The following TCF4 variants were observed in gnomAD, a reference collection of about 807,000 sequenced individuals.
TCF4 encodes transcription factor 4, also known as SL3-3 enhancer factor 2.
TCF4 carries 3 observed loss-of-function variants against 82.1 expected under a neutral mutation model. The observed-to-expected ratio is 0.04, with a 90% CI of 0.02 to 0.09. The LOEUF (loss-of-function observed/expected upper bound fraction) is 0.09, where lower values mean the gene tolerates loss of function less well. TCF4 is among the 10% of genes least tolerant of loss of function. TCF4 has a pLI of 1.00. For synonymous variants in TCF4, 276 were observed against 309.6 expected, an observed-to-expected ratio of 0.89 and a Z score of 1.14; for missense variants, 518 against 852.7, an observed-to-expected ratio of 0.61 and a Z score of 4.89.
chr18:55,464,523 A>G (rs537316722), intron 3 of TCF4, among the ~76,000 whole-genome samples: 2 of 152,324 alleles, frequency 1.3e-5, no homozygotes, highest in East Asian at 3.9e-4. Context: ...TATCCACACT[A>G]ACACCTTTAG....
intron 3 of TCF4, among the ~76,000 whole-genome samples, chr18:55,562,957 G>A (rs1410814223): frequency 6.6e-6 from 1 of 151,956 alleles, no homozygotes; most frequent in Non-Finnish European, 1.5e-5. Context: ...AAAATGCTTT[G>A]GGCCAGACAC....
At chr18:55,502,128 C>T (rs1419605442) in intron 3 of TCF4, among the ~76,000 whole-genome samples, 1 of 152,136 alleles carries the variant, frequency 6.6e-6, no homozygotes, top group African/African-American at 2.4e-5. Context: ...CTCTTTTATG[C>T]CTTTCTAACC....
At chr18:55,286,830 C>T (rs1241611561) in intron 8 of TCF4, among the ~76,000 whole-genome samples, 1 of 152,186 alleles carries the variant, frequency 6.6e-6, no homozygotes, top group Non-Finnish European at 1.5e-5. Context: ...GGGCGATCTC[C>T]ATTATCACAT....
At chr18:55,252,155 C>T (rs539500214) in intron 15 of TCF4, among the ~76,000 whole-genome samples, 2 of 152,036 alleles carry the variant, frequency 1.3e-5, no homozygotes, top group African/African-American at 4.8e-5. Context: ...TCTGGGGACA[C>T]GTTGAATGGT....
chr18:55,226,202 C>T lies in TCF4; in HGVS notation c.*1833G>A, dbSNP rs1463579102. 1 of 152,404 alleles carries T rather than the reference C, an allele frequency of 6.6e-6. No individual in the cohort carries two copies. Among genetic ancestry groups the T allele is most frequent in the African/African-American group, 2.4e-5 (1 of 41,380 alleles). The allele number at this position is 152,404 out of a possible 1,614,324, so 9.4% of individuals were successfully genotyped here. On this transcript the variant is annotated 3_prime_UTR_variant, in exon 20 of 20. Coordinates refer to ENST00000354452, the MANE Select transcript of TCF4 (RefSeq NM_001083962.2). ...TGGCAAAACAGGAGAACAGATGGAACATTTAGACCATTTCAATGGATTTAT... is the reference window on the plus strand; with the variant it reads ...TGGCAAAACAGGAGAACAGATGGAATATTTAGACCATTTCAATGGATTTAT...
chr18:55,537,522 G>A (rs1188406799), intron 3 of TCF4, among the ~76,000 whole-genome samples: 1 of 152,010 alleles, frequency 6.6e-6, no homozygotes, highest in Non-Finnish European at 1.5e-5. Context: ...CCCAGGAGGG[G>A]GTCAAGGCTG....
At chr18:55,576,489 C>T (rs1271990919) in intron 3 of TCF4, among the ~76,000 whole-genome samples, 1 of 152,080 alleles carries the variant, frequency 6.6e-6, no homozygotes, top group Non-Finnish European at 1.5e-5. Flanking sequence ...GTGTCTAGAC[C>T]AGAGTTGACT....
At chr18:55,273,901 C>A (rs968437660) in intron 10 of TCF4, among the ~76,000 whole-genome samples, 8 of 152,052 alleles carry the variant, frequency 5.3e-5, no homozygotes, top group Admixed American at 3.9e-4. Flanking sequence ...AAGCTACTTC[C>A]CATGCAGTGA....
chr18:55,589,488 C>T (rs1047303464), upstream of TCF4: 5 of 1,054,190 alleles, frequency 4.7e-6, no homozygotes, highest in African/African-American at 8.3e-5. Flanking sequence ...TTGCATTTTC[C>T]ACCATAAAAC....
At chr18:55,333,745 TCAAGACTG>T in intron 8 of TCF4, among the ~76,000 whole-genome samples, 1 of 152,196 alleles carries the variant, frequency 6.6e-6, no homozygotes, top group South Asian at 2.1e-4. Flanking sequence ...TTTGTTGTTT[TCAAGACTG>T]CAAGTTCACA....
intron 8 of TCF4, among the ~76,000 whole-genome samples, chr18:55,290,083 T>C (rs1290017191): frequency 6.6e-6 from 1 of 152,210 alleles, no homozygotes; most frequent in Non-Finnish European, 1.5e-5. Flanking sequence ...AAATATATTT[T>C]AGTGCATTCC....
At chr18:55,582,323 G>A (rs1205527779) in intron 3 of TCF4, among the ~76,000 whole-genome samples, 3 of 152,062 alleles carry the variant, frequency 2.0e-5, no homozygotes, top group Non-Finnish European at 4.4e-5. Context: ...CTTTGTTTAA[G>A]TTACCATATA....
At chr18:55,608,214 G>A (rs556920047) in intron 2 of TCF4, among the ~76,000 whole-genome samples, 6 of 152,130 alleles carry the variant, frequency 3.9e-5, no homozygotes, top group Admixed American at 3.3e-4. Context: ...TTAATATACT[G>A]ATATTTTGAG....
At chr18:55,589,866 G>A (rs1256816884), upstream of TCF4, 2 of 997,336 alleles carry the variant, frequency 2.0e-6, no homozygotes, top group Non-Finnish European at 1.2e-6. Flanking sequence ...GGGGCGGGGC[G>A]GGAGCAGGCG....
chr18:55,372,916 T>A (rs2089711930), intron 6 of TCF4, among the ~76,000 whole-genome samples: 1 of 151,996 alleles, frequency 6.6e-6, no homozygotes, highest in South Asian at 2.1e-4. Flanking sequence ...TTGAAATATG[T>A]GAGTTAGAAA....
At chr18:55,394,275 C>G (rs1429081800) in intron 6 of TCF4, among the ~76,000 whole-genome samples, 1 of 152,144 alleles carries the variant, frequency 6.6e-6, no homozygotes, top group South Asian at 2.1e-4. Flanking sequence ...CAGAGACCCC[C>G]CCATGTACAG....
intron 6 of TCF4, among the ~76,000 whole-genome samples, chr18:55,386,155 G>GGTCCCCACCCAGGGA (rs1383801362): frequency 6.6e-6 from 1 of 152,070 alleles, no homozygotes; most frequent in Non-Finnish European, 1.5e-5. Context: ...AAGCATGCTG[G>GGTCCCCACCCAGGGA]GTCCCCACCC....
chr18:55,467,753 G>T (rs2082707875), intron 3 of TCF4, among the ~76,000 whole-genome samples: 1 of 152,130 alleles, frequency 6.6e-6, no homozygotes, highest in African/African-American at 2.4e-5. Context: ...ACACTGCACG[G>T]TCTTTTATAC....
intron 15 of TCF4, among the ~76,000 whole-genome samples, chr18:55,236,743 C>T (rs2049566479): frequency 6.6e-6 from 1 of 152,190 alleles, no homozygotes; most frequent in Non-Finnish European, 1.5e-5. Flanking sequence ...AGGCCTTGAT[C>T]AAATGGTGGC....
Sources: allele counts gnomAD v4.1 joint callset (sites outside exome capture counted in the v4.1 genomes callset), GRCh38; gene constraint gnomAD v4.1.1; transcripts MANE v1.5; gene names NCBI Gene and HGNC (gene_info 2026-07-23, HGNC 2026-07-21).